Variants in ZNF280C observed in about 807,000 individuals in gnomAD.
ZNF280C encodes zinc finger protein 280C, also known as suppressor of hairy wing homolog 3.
ZNF280C carries 14 observed loss-of-function variants against 53.6 expected under a neutral mutation model. The ratio of observed to expected loss-of-function variants is 0.26; its 90% CI spans 0.17 to 0.41. The LOEUF is 0.41. Among genes scored for constraint, ZNF280C ranks in the 10% least tolerant of loss-of-function variants. ZNF280C has a pLI of 1.00. For missense variants in ZNF280C, 416 were observed against 547.1 expected (o/e 0.76, Z 2.39); for synonymous variants, 203 against 181.1 (o/e 1.12, Z -0.97).
At position 130,256,172 on chromosome X, in the gene ZNF280C, TACA is replaced by T. The variant is rs759947217; in HGVS notation, c.31+4244_31+4246del. 1.5e-3 allele frequency among the ~76,000 whole-genome samples: 164 copies of T among 110,858 alleles called. 1 individual carries two copies. The highest frequency in any genetic ancestry group is 5.0e-3 in the African/African-American group (151 of 30,497). Reference sequence around the variant, plus strand: ...ATAAGAATAAAGACCAGCAATATTATACAACATTTCCCTCTCATTCCCCCTTTC... The same window carrying T: ...ATAAGAATAAAGACCAGCAATATTATACATTTCCCTCTCATTCCCCCTTTC... On this transcript the variant is annotated intron_variant, in intron 2 of 18. Coordinates refer to ENST00000370978, the MANE Select transcript of ZNF280C (RefSeq NM_017666.5).
chrX:130,255,387 G>A lies in ZNF280C; in HGVS notation c.31+5032C>T, dbSNP rs762616539. Among the ~76,000 whole-genome samples, 326 of 104,381 alleles carry A rather than the reference G, an allele frequency of 3.1e-3. 1 individual carries two copies. The highest frequency in any genetic ancestry group is 5.5e-3 in the Non-Finnish European group (279 of 51,035). 90.6% of individuals were successfully genotyped at this position (104,381 alleles called of 115,157 possible). On this transcript the variant is annotated intron_variant, in intron 2 of 18. Coordinates refer to ENST00000370978, the MANE Select transcript of ZNF280C (RefSeq NM_017666.5). ...GATCTCCTGACCTCGTGATCCGCCC[G>A]CCTCGGCCTCCCAAAGTGCTGGGAT...
rs141227627 is a variant in ZNF280C at position 130,265,869 on chromosome X, T to C, written c.-17+2893A>G. ...CCGTTAAGTTGATGAATACAAGCACTTAAAGAAAACAAATCTAGTTCACAT... is the reference window on the plus strand; with the variant it reads ...CCGTTAAGTTGATGAATACAAGCACCTAAAGAAAACAAATCTAGTTCACAT... On this transcript the variant is annotated intron_variant, in intron 1 of 18. Transcript: ENST00000370978. Among the ~76,000 whole-genome samples, 1,030 of 112,467 alleles carry C rather than the reference T, an allele frequency of 9.2e-3. 11 individuals are homozygous for C. The highest frequency in any genetic ancestry group is 0.031 in the African/African-American group (972 of 30,993).
At chrX:130,206,390 G>A (rs1388390562) in intron 16 of ZNF280C, among the ~76,000 whole-genome samples, 3 of 85,234 alleles carry the variant, frequency 3.5e-5, no homozygotes, top group Non-Finnish European at 6.5e-5. Flanking sequence ...TTTTTGAGAC[G>A]GAGTCTGGCT....
At position 130,231,897 on chromosome X, in the gene ZNF280C, CGTGTCT is replaced by C. The variant is rs770773259; in HGVS notation, c.772-1176_772-1171del. 4.0e-3 allele frequency among the ~76,000 whole-genome samples: 429 copies of C among 108,354 alleles called. 1 individual carries two copies. The highest frequency in any genetic ancestry group is 0.014 in the African/African-American group (405 of 29,683). The allele number at this position is 108,354 out of a possible 115,157, so 94.1% of individuals were successfully genotyped here. A position where few individuals can be genotyped will look rare whatever the true frequency, so the allele number is the denominator to read the frequency against. Reference sequence around the variant, plus strand: ...AAAAAATTAGCCGGGCGTGGTGGCACGTGTCTGTAGTCCCAGCTACTCAGGAGGCTG... The same window carrying C: ...AAAAAATTAGCCGGGCGTGGTGGCACGTAGTCCCAGCTACTCAGGAGGCTG... On this transcript the variant is annotated intron_variant, in intron 8 of 18. Transcript: ENST00000370978.
chrX:130,234,316 G>C (rs2032309261), intron 8 of ZNF280C, among the ~76,000 whole-genome samples: 1 of 111,400 alleles, frequency 9.0e-6, no homozygotes, highest in African/African-American at 3.3e-5. Flanking sequence ...AAATGCTAAA[G>C]GGTGCACCCA....
chrX:130,257,571 G>A (rs182476177), intron 2 of ZNF280C, among the ~76,000 whole-genome samples: 88 of 110,959 alleles, frequency 7.9e-4, no homozygotes, highest in Non-Finnish European at 1.1e-4. Context: ...ATTGAGAAAC[G>A]TGGAATTATT....
intron 16 of ZNF280C, among the ~76,000 whole-genome samples, chrX:130,206,417 A>T (rs1282636872): frequency 1.2e-5 from 1 of 86,138 alleles, no homozygotes; most frequent in Non-Finnish European, 2.1e-5. Flanking sequence ...TCCAGGCTGG[A>T]GTGCAGTGGC....
chrX:130,224,426 C>T (rs778945343), intron 12 of ZNF280C, among the ~76,000 whole-genome samples: 6 of 111,863 alleles, frequency 5.4e-5, no homozygotes, highest in Non-Finnish European at 1.1e-4. Flanking sequence ...ACTAAGACAG[C>T]ACCTGTGGCA....
chrX:130,267,100 CAAAAA>C (rs759589465), intron 1 of ZNF280C, among the ~76,000 whole-genome samples: 1 of 48,847 alleles, frequency 2.0e-5, no homozygotes. Flanking sequence ...GACTCCGTCT[CAAAAA>C]AAAAAAAAAA....
intron 2 of ZNF280C, among the ~76,000 whole-genome samples, chrX:130,250,329 T>C (rs2032494135): frequency 1.8e-5 from 2 of 110,403 alleles, no homozygotes; most frequent in Admixed American, 9.7e-5. Flanking sequence ...GAAAAACCAT[T>C]CAAAAGATCA....
chrX:130,228,296 T>G (rs2032240817), intron 10 of ZNF280C, among the ~76,000 whole-genome samples: 1 of 112,337 alleles, frequency 8.9e-6, no homozygotes, highest in Non-Finnish European at 1.9e-5. Context: ...TTATTTTATT[T>G]TTTTGAGATG....
chrX:130,227,998 AT>A (rs1415445155), intron 10 of ZNF280C, among the ~76,000 whole-genome samples: 2 of 111,407 alleles, frequency 1.8e-5, no homozygotes, highest in Non-Finnish European at 3.8e-5. Flanking sequence ...TTTTATTCCT[AT>A]TTTTCAGATG....
chrX:130,213,265 G>A (rs1004861329), intron 15 of ZNF280C, among the ~76,000 whole-genome samples: 1 of 112,010 alleles, frequency 8.9e-6, no homozygotes, highest in African/African-American at 3.2e-5. Flanking sequence ...CCCAGCTGCT[G>A]GGGAGGCTGA....
intron 12 of ZNF280C, among the ~76,000 whole-genome samples, chrX:130,226,493 T>C (rs2032222327): frequency 9.0e-6 from 1 of 111,672 alleles, no homozygotes. Flanking sequence ...GGTTCCTATT[T>C]CTAGCTATCT....
chrX:130,228,748 C>T (rs1265699926), intron 10 of ZNF280C, among the ~76,000 whole-genome samples: 1 of 107,294 alleles, frequency 9.3e-6, no homozygotes, highest in African/African-American at 3.4e-5. Context: ...TCAAGTGATC[C>T]TCCTGCCTCA....
intron 11 of ZNF280C, 109 bp from the exon 12 acceptor site, chrX:130,227,014 T>C (rs1603241637): frequency 3.1e-6 from 2 of 649,157 alleles, no homozygotes; most frequent in East Asian, 6.6e-5. Context: ...GTACTACTAG[T>C]CCAGCTCTGC....
chrX:130,234,336 G>C (rs764363412), intron 8 of ZNF280C, among the ~76,000 whole-genome samples: 2 of 111,346 alleles, frequency 1.8e-5, no homozygotes, highest in Non-Finnish European at 1.9e-5. Flanking sequence ...ACAATGAATC[G>C]TAAGAGATGG....
At chrX:130,225,930 T>C (rs934953561) in intron 12 of ZNF280C, among the ~76,000 whole-genome samples, 1 of 111,853 alleles carries the variant, frequency 8.9e-6, no homozygotes, top group Non-Finnish European at 1.9e-5. Flanking sequence ...AGTAAATCCG[T>C]TGACTTCTGA....
intron 8 of ZNF280C, among the ~76,000 whole-genome samples, chrX:130,234,266 T>C (rs1230433656): frequency 1.8e-5 from 2 of 111,736 alleles, no homozygotes; most frequent in African/African-American, 3.3e-5. Context: ...GAGCCTGATA[T>C]CAAACAAAAA....
Sources: allele counts gnomAD v4.1 joint callset (sites outside exome capture counted in the v4.1 genomes callset), GRCh38; gene constraint gnomAD v4.1.1; transcripts MANE v1.5; gene names NCBI Gene and HGNC (gene_info 2026-07-23, HGNC 2026-07-21).